The following MORN5 variants were observed in gnomAD, a reference collection of about 807,000 sequenced individuals.
MORN5 encodes the protein MORN repeat-containing protein 5.
In MORN5, 21 loss-of-function variants were observed where a neutral mutation model predicts 22.1. The observed-to-expected ratio is 0.95, with a 90% CI of 0.67 to 1.37. The LOEUF is 1.37. MORN5 is among the 40% of genes most tolerant of loss of function. The probability of loss-of-function intolerance (pLI) is 0.00; values close to 1 mark genes in which losing one functional copy is unlikely to be tolerated. For synonymous variants in MORN5, 73 were observed against 74.0 expected (o/e 0.99, Z 0.07); for missense variants, 211 against 215.1 (o/e 0.98, Z 0.12).
intron 4 of MORN5, among the ~76,000 whole-genome samples, chr9:122,193,688 C>T (rs1468965473): frequency 6.6e-6 from 1 of 152,258 alleles, no homozygotes; most frequent in African/African-American, 2.4e-5. Flanking sequence ...ACTAATACTA[C>T]AAAATGGAAA....
At chr9:122,166,674 T>C in intron 1 of MORN5, 94 bp from the exon 2 acceptor site, 1 of 1,195,264 alleles carries the variant, frequency 8.4e-7, no homozygotes, top group Non-Finnish European at 1.2e-6. Flanking sequence ...AGGATGAGAA[T>C]GCTGAGAACG....
intron 2 of MORN5, among the ~76,000 whole-genome samples, chr9:122,168,017 A>G (rs1829312830): frequency 6.6e-6 from 1 of 152,150 alleles, no homozygotes; most frequent in South Asian, 2.1e-4. Flanking sequence ...CCTTGCAATC[A>G]TATTTGGCAC....
intron 4 of MORN5, 79 bp downstream of exon 4, chr9:122,174,706 C>T (rs1157589003): frequency 1.2e-6 from 2 of 1,609,378 alleles, no homozygotes; most frequent in Admixed American, 3.3e-5. Context: ...CAAATGTATG[C>T]ACACACTTGA....
intron 3 of MORN5, among the ~76,000 whole-genome samples, chr9:122,171,946 CTTTTTTTTTTTTT>C (rs71371928): frequency 1.7e-4 from 10 of 58,574 alleles, no homozygotes; most frequent in Non-Finnish European, 6.7e-5. Context: ...TCACTTCCAT[CTTTTTTTTTTTTT>C]TTTTTTTTTT....
At chr9:122,171,741 A>G (rs926721947) in intron 3 of MORN5, among the ~76,000 whole-genome samples, 1 of 151,994 alleles carries the variant, frequency 6.6e-6, no homozygotes, top group Non-Finnish European at 1.5e-5. Context: ...CAATGGTCCT[A>G]TGGATTTTAC....
At chr9:122,166,194 C>T (rs1829276131) in intron 1 of MORN5, among the ~76,000 whole-genome samples, 1 of 152,050 alleles carries the variant, frequency 6.6e-6, no homozygotes, top group African/African-American at 2.4e-5. Flanking sequence ...CACTGAGTCC[C>T]TCCCATGACA....
intron 4 of MORN5, among the ~76,000 whole-genome samples, chr9:122,177,684 C>T (rs766631396): frequency 6.6e-6 from 1 of 152,192 alleles, no homozygotes; most frequent in Non-Finnish European, 1.5e-5. Context: ...CCATCCACCT[C>T]GGCCTCCCAA....
chr9:122,162,611 T>C, intron 1 of MORN5, among the ~76,000 whole-genome samples: 1 of 152,224 alleles, frequency 6.6e-6, no homozygotes. Flanking sequence ...AATTGTGGTA[T>C]ATCCATTCAT....
intron 4 of MORN5, among the ~76,000 whole-genome samples, chr9:122,176,932 AG>A (rs1829460567): frequency 6.6e-6 from 1 of 152,240 alleles, no homozygotes; most frequent in South Asian, 2.1e-4. Context: ...GATGGCTACC[AG>A]GGAACTAGAA....
At chr9:122,195,898 C>A (rs867438282) in intron 4 of MORN5, among the ~76,000 whole-genome samples, 11 of 152,166 alleles carry the variant, frequency 7.2e-5, no homozygotes, top group Admixed American at 3.9e-4. Flanking sequence ...TATCTTTATG[C>A]AAGGTCTTTT....
At chr9:122,187,754 T>C (rs943271470) in intron 4 of MORN5, among the ~76,000 whole-genome samples, 2 of 152,244 alleles carry the variant, frequency 1.3e-5, no homozygotes, top group African/African-American at 4.8e-5. Context: ...TAATTTTAAA[T>C]ATCAAATATG....
rs888193934 is a variant in MORN5, at chr9:122,169,546, G to T, written c.196-99G>T. Reference sequence around the variant, plus strand: ...TTGTGATAGTTACCACTTCTTTACTGCAGCCATCAGAAAGGCCCCCACTTC... The same window carrying T: ...TTGTGATAGTTACCACTTCTTTACTTCAGCCATCAGAAAGGCCCCCACTTC... On this transcript the variant is annotated intron_variant, in intron 2 of 4. Transcript: ENST00000373764. 3 of 757,840 alleles carry T rather than the reference G, an allele frequency of 4.0e-6. No homozygotes were observed. The highest frequency in any genetic ancestry group is 7.1e-6 in the Non-Finnish European group (3 of 424,742). The allele number at this position is 757,840 out of a possible 1,614,324, so 46.9% of individuals were successfully genotyped here.
At chr9:122,170,299 A>G (rs547008638) in intron 3 of MORN5, among the ~76,000 whole-genome samples, 44 of 36,314 alleles carry the variant, frequency 1.2e-3, no homozygotes, top group Middle Eastern at 0.038. Flanking sequence ...CTGGTCTCAG[A>G]AAAAAAAAAA....
chr9:122,179,636 A>G (rs531818810), intron 4 of MORN5, among the ~76,000 whole-genome samples: 1 of 152,290 alleles, frequency 6.6e-6, no homozygotes, highest in African/African-American at 2.4e-5. Flanking sequence ...GTAAGAGTCT[A>G]TGATGGAGGA....
chr9:122,161,733 G>A (rs1287415635), intron 1 of MORN5, among the ~76,000 whole-genome samples: 5 of 152,180 alleles, frequency 3.3e-5, no homozygotes, highest in Non-Finnish European at 5.9e-5. Flanking sequence ...GCTGTATATG[G>A]GTGAGAGAGA....
chr9:122,171,913 T>TGAG lies in MORN5; in HGVS notation c.307+2159_307+2161dup, dbSNP rs1344970391. 2.7e-5 allele frequency among the ~76,000 whole-genome samples: 4 copies of TGAG among 150,642 alleles called. No individual in the cohort carries two copies. The East Asian group carries it at 7.9e-4, about 30-fold the overall frequency. On this transcript the variant is annotated intron_variant, in intron 3 of 4. Transcript: ENST00000373764. ...TCCGGAGATCCCCACTTGGCGCCCT[T>TGAG]GAGGTCATTCTCCATTCTGCAGTCA...
At chr9:122,190,030 C>A in intron 4 of MORN5, among the ~76,000 whole-genome samples, 1 of 152,058 alleles carries the variant, frequency 6.6e-6, no homozygotes, top group African/African-American at 2.4e-5. Context: ...TTTCCCCTCA[C>A]CCATCAACTG....
At chr9:122,182,314 T>C (rs941468007) in intron 4 of MORN5, among the ~76,000 whole-genome samples, 1 of 152,250 alleles carries the variant, frequency 6.6e-6, no homozygotes, top group African/African-American at 2.4e-5. Flanking sequence ...CTGTCAATGC[T>C]TAGCACATAA....
intron 4 of MORN5, among the ~76,000 whole-genome samples, chr9:122,198,327 C>G (rs1264439787): frequency 1.3e-5 from 2 of 152,192 alleles, no homozygotes; most frequent in Non-Finnish European, 2.9e-5. Context: ...TATTTCAGCT[C>G]TCAGGGAGTG....
Sources: gnomAD v4.1 joint callset for allele counts (sites outside exome capture counted in the v4.1 genomes callset) on GRCh38, gnomAD v4.1.1 for gene constraint, MANE v1.5 for transcripts, NCBI Gene and HGNC (gene_info 2026-07-23, HGNC 2026-07-21) for gene names.